Variants in EDA observed in about 807,000 individuals in gnomAD.
EDA encodes the protein ectodysplasin A.
Under a neutral mutation model 23.6 loss-of-function variants are expected in EDA, and 2 were observed. That is an observed-to-expected ratio of 0.08 (90% CI 0.03 to 0.27). The LOEUF (loss-of-function observed/expected upper bound fraction) is 0.27, where lower values mean the gene tolerates loss of function less well. Ranked by LOEUF, EDA falls within the 10% of genes least tolerant of loss-of-function variation. EDA has a pLI of 1.00. For synonymous variants in EDA, 131 were observed against 132.0 expected (o/e 0.99, Z 0.05); for missense variants, 229 against 324.2 (o/e 0.71, Z 2.26).
intron 1 of EDA, among the ~76,000 whole-genome samples, chrX:69,735,320 G>A (rs753345249): frequency 9.0e-6 from 1 of 110,925 alleles, no homozygotes; most frequent in Non-Finnish European, 1.9e-5. Context: ...ACATTCAGTG[G>A]AATATTATTT....
chrX:70,026,758 T>A (rs1170976314), intron 3 of EDA, among the ~76,000 whole-genome samples: 1 of 110,760 alleles, frequency 9.0e-6, no homozygotes, highest in African/African-American at 3.3e-5. Context: ...TTTACAGAGG[T>A]CAGCTGAGAG....
intron 2 of EDA, among the ~76,000 whole-genome samples, chrX:69,958,882 C>A (rs2019059622): frequency 1.8e-5 from 2 of 111,112 alleles, no homozygotes; most frequent in Middle Eastern, 4.6e-3. Flanking sequence ...TTTTCATAAT[C>A]CCTGGTTGCA....
At chrX:69,728,122 G>A (rs763772972) in intron 1 of EDA, among the ~76,000 whole-genome samples, 1 of 110,035 alleles carries the variant, frequency 9.1e-6, no homozygotes, top group East Asian at 2.9e-4. Context: ...GCGCATGCCT[G>A]TAGTCCCAGC....
intron 1 of EDA, among the ~76,000 whole-genome samples, chrX:69,951,842 G>A (rs773837569): frequency 8.0e-5 from 9 of 112,088 alleles, no homozygotes; most frequent in Non-Finnish European, 1.7e-4. Flanking sequence ...AAACAAGGGT[G>A]TAATCACTTA....
intron 1 of EDA, among the ~76,000 whole-genome samples, chrX:69,666,350 G>A (rs866867271): frequency 8.9e-6 from 1 of 112,594 alleles, no homozygotes; most frequent in Non-Finnish European, 1.9e-5. Flanking sequence ...GAGGTGGTGG[G>A]AGTAGGCATT....
chrX:69,744,756 C>T (rs1027583285), intron 1 of EDA, among the ~76,000 whole-genome samples: 2 of 111,948 alleles, frequency 1.8e-5, no homozygotes, highest in Admixed American at 9.5e-5. Flanking sequence ...GTTAGTGCTG[C>T]GAGGTGCTTT....
chrX:70,033,679 TGAAAG>T (rs760664323), intron 7 of EDA, 151 bp downstream of exon 7: 75 of 625,830 alleles, frequency 1.2e-4, no homozygotes, highest in Non-Finnish European at 1.9e-4. Context: ...GGGAGGGAGT[TGAAAG>T]GAGGAAAGAG....
At position 70,038,074 on chromosome X, in the gene EDA, CTT is replaced by C. The variant is rs1340439551; in HGVS notation, c.*2467_*2468del. The C allele has an allele frequency of 9.0e-6, 1 of 111,414 alleles. No homozygotes were observed. The highest frequency in any genetic ancestry group is 1.9e-5 in the Non-Finnish European group (1 of 53,123). The allele number at this position is 111,414 out of a possible 1,213,427, so 9.2% of individuals were successfully genotyped here. A position where few individuals can be genotyped will look rare whatever the true frequency, so the allele number is the denominator to read the frequency against. ...ATCTCTTTCCACCATACCTTAGAGA[CTT>C]TGATACTACCAGGGTCTCTCAGGGA... On this transcript the variant is annotated 3_prime_UTR_variant, in exon 8 of 8. Coordinates refer to ENST00000374552, the MANE Select transcript of EDA (RefSeq NM_001399.5).
chrX:69,865,279 T>C (rs752737572), intron 1 of EDA, among the ~76,000 whole-genome samples: 1 of 110,382 alleles, frequency 9.1e-6, no homozygotes. Flanking sequence ...GGTATATATA[T>C]AAAGTTTATA....
chrX:69,633,108 CCTCCT>C (rs1394518391), intron 1 of EDA, among the ~76,000 whole-genome samples: 33 of 111,887 alleles, frequency 2.9e-4, no homozygotes, highest in South Asian at 3.8e-4. Flanking sequence ...GCTTCTGTGT[CCTCCT>C]CCCAGGAGTT....
At chrX:69,666,899 G>A (rs1933700849) in intron 1 of EDA, among the ~76,000 whole-genome samples, 1 of 111,080 alleles carries the variant, frequency 9.0e-6, no homozygotes, top group African/African-American at 3.3e-5. Flanking sequence ...GTAGAATTTA[G>A]TCATGAAGCT....
At chrX:69,805,007 C>T (rs2015781557) in intron 1 of EDA, among the ~76,000 whole-genome samples, 1 of 111,385 alleles carries the variant, frequency 9.0e-6, no homozygotes, top group African/African-American at 3.3e-5. Flanking sequence ...CATAAAGTAG[C>T]ACTTTCAGGA....
chrX:69,620,293 G>A (rs890004638), intron 1 of EDA: 2 of 112,157 alleles, frequency 1.8e-5, no homozygotes, highest in African/African-American at 6.5e-5. Flanking sequence ...TCAAAATTAT[G>A]GGTAGATCAA....
At chrX:69,920,883 T>G (rs1311621760) in intron 1 of EDA, among the ~76,000 whole-genome samples, 1 of 112,125 alleles carries the variant, frequency 8.9e-6, no homozygotes, top group Non-Finnish European at 1.9e-5. Flanking sequence ...CTCCACCTCC[T>G]TGATGGTGAA....
intron 1 of EDA, among the ~76,000 whole-genome samples, chrX:69,936,375 G>T (rs2018674273): frequency 9.0e-6 from 1 of 111,158 alleles, no homozygotes; most frequent in Admixed American, 9.6e-5. Flanking sequence ...TTCCTGAAGG[G>T]GGTAAGACTG....
chrX:69,880,024 A>T (rs933910055), intron 1 of EDA, among the ~76,000 whole-genome samples: 1 of 112,565 alleles, frequency 8.9e-6, no homozygotes, highest in African/African-American at 3.2e-5. Context: ...TAGTTTTTTT[A>T]AAAAACCAAT....
intron 1 of EDA, among the ~76,000 whole-genome samples, chrX:69,665,820 T>C (rs1323993610): frequency 3.6e-5 from 4 of 111,762 alleles, no homozygotes; most frequent in Non-Finnish European, 7.5e-5. Flanking sequence ...TCCATACAAA[T>C]TTTAGGATAG....
At chrX:69,992,998 G>A (rs2019609839) in intron 2 of EDA, among the ~76,000 whole-genome samples, 1 of 110,585 alleles carries the variant, frequency 9.0e-6, no homozygotes, top group African/African-American at 3.3e-5. Context: ...TCTGATAAAA[G>A]AATCTTATTC....
At chrX:69,669,885 T>A (rs942331346) in intron 1 of EDA, among the ~76,000 whole-genome samples, 2 of 111,820 alleles carry the variant, frequency 1.8e-5, no homozygotes, top group African/African-American at 6.5e-5. Flanking sequence ...CTATGAGTTG[T>A]TCACTGTTTT....
Sources: gnomAD v4.1 joint callset for allele counts (sites outside exome capture counted in the v4.1 genomes callset) on GRCh38, gnomAD v4.1.1 for gene constraint, MANE v1.5 for transcripts, NCBI Gene and HGNC (gene_info 2026-07-23, HGNC 2026-07-21) for gene names.